Variants in COL22A1 observed in about 807,000 individuals in gnomAD.
The protein encoded by COL22A1 is collagen alpha-1(XXII) chain.
A neutral mutation model predicts 248.9 loss-of-function variants in COL22A1; 221 were observed. The observed-to-expected ratio is 0.89, with a 90% CI of 0.80 to 0.99. The LOEUF (loss-of-function observed/expected upper bound fraction) is 0.99. Ranked by LOEUF, COL22A1 falls within the 50% of genes least tolerant of loss-of-function variation. COL22A1 has a pLI of 0.00. For missense variants in COL22A1, 2,240 were observed against 2,179.0 expected, an observed-to-expected ratio of 1.03 and a Z score of -0.56; for synonymous variants, 891 against 793.4, an observed-to-expected ratio of 1.12 and a Z score of -2.07.
At chr8:138,814,267 T>G (rs1818492891) in intron 7 of COL22A1, among the ~76,000 whole-genome samples, 1 of 152,256 alleles carries the variant, frequency 6.6e-6, no homozygotes, top group East Asian at 1.9e-4. Flanking sequence ...AATCTCCCAG[T>G]CACCACCCAG....
rs150078954 is a variant in COL22A1 at position 138,807,784 on chromosome 8, C to A, written c.1478G>T (p.Gly493Val). ...TGTACTGACCTTTGGACCAGGGAGC[C>A]CCATGGGGCCAGCAACTCCCATTTC... Reference protein sequence around the residue: ...KGEMGVAGPMGLPGPKGDIGA... With the variant: ...KGEMGVAGPMVLPGPKGDIGA... Residue 493 changes from glycine (G) to valine (V), a missense_variant, in exon 10 of 65, where the codon GGG becomes GTG. Gly to Val is a moderately radical substitution (Grantham distance 109). Transcript: ENST00000303045. The A allele has an allele frequency of 5.0e-6, 8 of 1,613,972 alleles. No individual in the cohort carries two copies. The highest frequency in any genetic ancestry group is 5.9e-6 in the Non-Finnish European group (7 of 1,179,942).
chr8:138,901,723 T>C (rs1814587741), intron 1 of COL22A1, among the ~76,000 whole-genome samples: 1 of 152,048 alleles, frequency 6.6e-6, no homozygotes, highest in South Asian at 2.1e-4. Context: ...AATATGATCG[T>C]TAAGACTCAT....
At chr8:138,739,147 A>G (rs1371966284) in intron 22 of COL22A1, among the ~76,000 whole-genome samples, 1 of 152,158 alleles carries the variant, frequency 6.6e-6, no homozygotes, top group Non-Finnish European at 1.5e-5. Flanking sequence ...TCAAAACACT[A>G]CAATGCCTCT....
intron 3 of COL22A1, among the ~76,000 whole-genome samples, chr8:138,869,350 G>C (rs767685376): frequency 6.6e-6 from 1 of 152,228 alleles, no homozygotes; most frequent in African/African-American, 2.4e-5. Flanking sequence ...AGAGGTGATG[G>C]TGCAAGCTGC....
intron 17 of COL22A1, 35 bp downstream of exon 17, chr8:138,762,378 T>C (rs951330558): frequency 4.4e-5 from 71 of 1,610,898 alleles, no homozygotes; most frequent in Non-Finnish European, 6.0e-5. Flanking sequence ...TGACCGCTGA[T>C]GAAACCTAGC....
chr8:138,729,001 G>T (rs915859639), intron 23 of COL22A1, among the ~76,000 whole-genome samples: 1 of 152,040 alleles, frequency 6.6e-6, no homozygotes, highest in Non-Finnish European at 1.5e-5. Context: ...GCACAACCCG[G>T]GAGAGAGAAA....
At chr8:138,777,939 A>G (rs974505590) in intron 15 of COL22A1, 2 of 233,412 alleles carry the variant, frequency 8.6e-6, no homozygotes, top group African/African-American at 4.7e-5. Flanking sequence ...CACTGGACAT[A>G]CTGAACACCA....
intron 22 of COL22A1, among the ~76,000 whole-genome samples, chr8:138,746,235 C>T (rs1832096085): frequency 6.6e-6 from 1 of 152,218 alleles, no homozygotes. Flanking sequence ...TCTCTCCATG[C>T]CCAGGTTCCA....
chr8:138,692,030 G>A lies in COL22A1; in HGVS notation c.2755-1156C>T, dbSNP rs560192398. On this transcript the variant is annotated intron_variant, in intron 35 of 64. Coordinates refer to ENST00000303045, the MANE Select transcript of COL22A1 (RefSeq NM_152888.3). Reference sequence around the variant, plus strand: ...CATGTTTCTGGAGGTGTATGCATGCGCGTGCATTTGTGAAGGTGTGTGTGT... The same window carrying A: ...CATGTTTCTGGAGGTGTATGCATGCACGTGCATTTGTGAAGGTGTGTGTGT... Among the ~76,000 whole-genome samples, 43 of 148,776 alleles carry A rather than the reference G, an allele frequency of 2.9e-4. 1 individual carries two copies. The East Asian group carries it at 4.1e-3, about 14-fold the overall frequency.
At chr8:138,880,400 CACTT>C (rs1401044273) in intron 2 of COL22A1, among the ~76,000 whole-genome samples, 5 of 152,336 alleles carry the variant, frequency 3.3e-5, no homozygotes, top group African/African-American at 9.6e-5. Flanking sequence ...GAGTGGGAAA[CACTT>C]GCTTACCTCT....
intron 64 of COL22A1, among the ~76,000 whole-genome samples, chr8:138,590,736 C>T (rs1298165279): frequency 6.6e-6 from 1 of 152,178 alleles, no homozygotes; most frequent in Non-Finnish European, 1.5e-5. Context: ...ATTTCTTCTA[C>T]CTTCTACCTA....
intron 1 of COL22A1, among the ~76,000 whole-genome samples, chr8:138,885,964 C>A (rs1186872334): frequency 1.3e-5 from 2 of 152,176 alleles, no homozygotes; most frequent in Non-Finnish European, 2.9e-5. Flanking sequence ...CTGTATGGAA[C>A]CTTGGTTTTC....
At position 138,606,424 on chromosome 8, in the gene COL22A1, C is replaced by T; in HGVS notation, c.4061G>A (p.Gly1354Asp). 1 of 1,613,694 alleles carries T rather than the reference C, an allele frequency of 6.2e-7. No individual in the cohort carries two copies. The highest frequency in any genetic ancestry group is 8.5e-7 in the Non-Finnish European group (1 of 1,179,890). ...PGQKGSKGEN[G>D]SPGLPGFLGP... ...CAGGAAGCCAGGAAGTCCTGGGCTG[C>T]CATTTTCCCCTTTGCTTCCTTTCTG... is the stretch of plus-strand genomic sequence containing the variant. Residue 1354 changes from glycine (G) to aspartate (D), a missense_variant, in exon 58 of 65, where the codon GGC becomes GAC. Physicochemically the swap from Gly to Asp is moderately conservative, Grantham distance 94 (BLOSUM62 -1). Transcript: ENST00000303045.
intron 35 of COL22A1, among the ~76,000 whole-genome samples, chr8:138,691,962 G>GTGTA (rs1827006987): frequency 6.7e-6 from 1 of 149,214 alleles, no homozygotes; most frequent in African/African-American, 2.5e-5. Flanking sequence ...GTTTGTGGAG[G>GTGTA]TGCATGTGTG....
chr8:138,911,677 A>G (rs1318195358), intron 1 of COL22A1, among the ~76,000 whole-genome samples: 1 of 152,236 alleles, frequency 6.6e-6, no homozygotes, highest in African/African-American at 2.4e-5. Context: ...TGTTGGCAAT[A>G]ACTGAAACTA....
chr8:138,657,626 G>A (rs2130637893), intron 44 of COL22A1, among the ~76,000 whole-genome samples: 1 of 152,330 alleles, frequency 6.6e-6, no homozygotes, highest in Non-Finnish European at 1.5e-5. Flanking sequence ...TGGAGGCAGT[G>A]GCCTTGTGAA....
chr8:138,866,551 T>A (rs565988542), intron 3 of COL22A1, among the ~76,000 whole-genome samples: 1 of 152,368 alleles, frequency 6.6e-6, no homozygotes, highest in South Asian at 2.1e-4. Flanking sequence ...AACCCCCATG[T>A]GAAATGCAGA....
chr8:138,772,115 C>T (rs950064716), intron 16 of COL22A1, among the ~76,000 whole-genome samples: 12 of 152,188 alleles, frequency 7.9e-5, no homozygotes, highest in Non-Finnish European at 1.5e-4. Flanking sequence ...CCCACCCGCA[C>T]ATCGCCAAAA....
chr8:138,691,771 A>T (rs796355473), intron 35 of COL22A1, among the ~76,000 whole-genome samples: 1 of 35,412 alleles, frequency 2.8e-5, no homozygotes, highest in African/African-American at 1.0e-4. Context: ...TGTACACGTA[A>T]GTGTGTGCAT....
Sources: allele counts gnomAD v4.1 joint callset (sites outside exome capture counted in the v4.1 genomes callset), GRCh38; gene constraint gnomAD v4.1.1; transcripts MANE v1.5; gene names NCBI Gene and HGNC (gene_info 2026-07-23, HGNC 2026-07-21).